Variants in POC1A observed in about 807,000 individuals in gnomAD.
POC1A encodes POC1 centriolar protein homolog A.
A neutral mutation model predicts 47.8 loss-of-function variants in POC1A; 34 were observed. That is an observed-to-expected ratio of 0.71 (90% CI 0.54 to 0.95). POC1A has a LOEUF of 0.95. POC1A is among the 40% of genes least tolerant of loss of function. The pLI, the probability that POC1A is intolerant of heterozygous loss-of-function variation, is 0.00. For missense variants in POC1A, 466 were observed against 528.3 expected (o/e 0.88, Z 1.16); for synonymous variants, 177 against 207.6 (o/e 0.85, Z 1.27).
intron 9 of POC1A, among the ~76,000 whole-genome samples, chr3:52,111,060 G>T (rs901816850): frequency 2.0e-5 from 3 of 152,198 alleles, no homozygotes; most frequent in Non-Finnish European, 4.4e-5. Flanking sequence ...CTGTCTTCCT[G>T]ATACTGTGAT....
chr3:52,138,325 G>A, intron 6 of POC1A, 23 bp from the exon 7 acceptor site: 1 of 1,600,336 alleles, frequency 6.2e-7, no homozygotes, highest in Non-Finnish European at 8.5e-7. Flanking sequence ...CATCAGTCAG[G>A]TGCTGGCTAG....
At chr3:52,097,834 C>T (rs1030138375) in intron 9 of POC1A, among the ~76,000 whole-genome samples, 1 of 152,204 alleles carries the variant, frequency 6.6e-6, no homozygotes, top group African/African-American at 2.4e-5. Context: ...ACTTCCGTGG[C>T]CATTTCTAAG....
At chr3:52,114,256 C>T (rs530008412) in intron 9 of POC1A, among the ~76,000 whole-genome samples, 5 of 152,230 alleles carry the variant, frequency 3.3e-5, no homozygotes, top group Non-Finnish European at 7.3e-5. Context: ...TTTTCTCATA[C>T]CAGGAAGGTG....
chr3:52,146,979 G>C lies in POC1A; in HGVS notation c.563+9C>G, dbSNP rs754587323. On this transcript the variant is annotated intron_variant, in intron 5 of 10. Transcript: ENST00000296484. ...GCCTACAGGTGGAGGACAGCATCTG[G>C]GGACTCACCCGCCATGCTCACAATA... 1 of 1,608,806 alleles carries C rather than the reference G, an allele frequency of 6.2e-7. No homozygotes were observed.
At chr3:52,081,938 T>C (rs981775664) in intron 10 of POC1A, among the ~76,000 whole-genome samples, 1 of 151,596 alleles carries the variant, frequency 6.6e-6, no homozygotes, top group Non-Finnish European at 1.5e-5. Context: ...ACGAGTTAGA[T>C]GGGGGTCTGA....
intron 9 of POC1A, among the ~76,000 whole-genome samples, chr3:52,103,881 A>G (rs1218486321): frequency 6.6e-6 from 1 of 152,236 alleles, no homozygotes; most frequent in African/African-American, 2.4e-5. Flanking sequence ...TTGAACTCTC[A>G]TATACTGCTG....
chr3:52,082,173 G>A (rs1702317049), intron 10 of POC1A, among the ~76,000 whole-genome samples: 1 of 152,128 alleles, frequency 6.6e-6, no homozygotes, highest in African/African-American at 2.4e-5. Flanking sequence ...CAGTGGGTGA[G>A]GAGGGAAGGA....
At chr3:52,114,628 A>C (rs930921645) in intron 9 of POC1A, among the ~76,000 whole-genome samples, 3 of 152,170 alleles carry the variant, frequency 2.0e-5, no homozygotes, top group African/African-American at 7.2e-5. Flanking sequence ...CCCAGAGACA[A>C]GGACTTGGCT....
In POC1A at chr3:52,096,680, T is replaced by C. The variant is rs780987009; in HGVS notation, c.1014A>G (p.Arg338=). ...PEVDFPVPPG[R]GRSVESVQSQ... is the part of the protein sequence containing the mutation. Reference sequence around the variant, plus strand: ...TCTGCACAGACTCCACACTCCTGCCTCTGCCTGGGGGGACAGGGAAGTCCA... The same window carrying C: ...TCTGCACAGACTCCACACTCCTGCCCCTGCCTGGGGGGACAGGGAAGTCCA... The change falls in exon 10 of 11, where the codon AGA becomes AGG. Residue 338 remains arginine, a synonymous_variant. Coordinates refer to ENST00000296484, the MANE Select transcript of POC1A (RefSeq NM_015426.5). 4.4e-6 allele frequency: 7 copies of C among 1,606,282 alleles called. No individual in the cohort carries two copies. The Admixed American group carries it at 6.8e-5, about 16-fold the overall frequency.
chr3:52,105,313 A>G (rs749917507), intron 9 of POC1A, among the ~76,000 whole-genome samples: 103 of 152,366 alleles, frequency 6.8e-4, no homozygotes, highest in Non-Finnish European at 1.0e-3. Flanking sequence ...TTTCAACTGA[A>G]TCTTCGATTG....
At chr3:52,138,429 T>C in intron 6 of POC1A, 127 bp from the exon 7 acceptor site, 1 of 934,080 alleles carries the variant, frequency 1.1e-6, no homozygotes, top group Non-Finnish European at 1.6e-6. Flanking sequence ...GGATGGTCAT[T>C]GCTCAGAAGA....
intron 10 of POC1A, among the ~76,000 whole-genome samples, chr3:52,083,331 C>A (rs1702361094): frequency 6.6e-6 from 1 of 152,114 alleles, no homozygotes; most frequent in Non-Finnish European, 1.5e-5. Context: ...CGTGGCGAAA[C>A]AGAGCAAACA....
At chr3:52,130,419 C>A (rs1704169058) in intron 7 of POC1A, among the ~76,000 whole-genome samples, 1 of 152,190 alleles carries the variant, frequency 6.6e-6, no homozygotes, top group Admixed American at 6.5e-5. Context: ...GTGAACTGGG[C>A]TCTCATGGCT....
intron 8 of POC1A, 83 bp from the exon 9 acceptor site, chr3:52,122,560 A>G: frequency 1.1e-6 from 1 of 877,616 alleles, no homozygotes. Flanking sequence ...CTCAGAGGCC[A>G]TGCCCAAAGT....
At chr3:52,124,935 C>T (rs565937824) in intron 8 of POC1A, among the ~76,000 whole-genome samples, 178 bp downstream of exon 8, 1 of 152,172 alleles carries the variant, frequency 6.6e-6, no homozygotes, top group South Asian at 2.1e-4. Flanking sequence ...TCTGGAGTGG[C>T]AAGGCCCCTG....
intron 10 of POC1A, among the ~76,000 whole-genome samples, chr3:52,092,502 T>C (rs1702677249): frequency 6.6e-6 from 1 of 152,126 alleles, no homozygotes; most frequent in South Asian, 2.1e-4. Flanking sequence ...ACACATTATC[T>C]GCACCTGGCA....
intron 9 of POC1A, among the ~76,000 whole-genome samples, chr3:52,116,744 T>C (rs940222951): frequency 7.9e-5 from 12 of 152,144 alleles, no homozygotes; most frequent in Non-Finnish European, 8.8e-5. Context: ...AAAAGAACCC[T>C]TTTTAAAGTA....
chr3:52,134,247 A>T (rs983356260), intron 7 of POC1A, among the ~76,000 whole-genome samples: 27 of 152,206 alleles, frequency 1.8e-4, no homozygotes, highest in African/African-American at 6.5e-4. Flanking sequence ...GAGAATATAA[A>T]TGTATTTATT....
chr3:52,151,005 C>T lies in POC1A; in HGVS notation c.103+11G>A, dbSNP rs1448450840. The T allele has an allele frequency of 6.2e-7, 1 of 1,613,442 alleles. No individual in the cohort carries two copies. Among genetic ancestry groups the T allele is most frequent in the South Asian group, 1.1e-5 (1 of 91,062 alleles). ...CATAACCTAGCACCTAGACAGGGTG[C>T]CTCTTCTTACCCAGCTGCTTTGTGT... On this transcript the variant is annotated intron_variant, in intron 2 of 10. Coordinates refer to ENST00000296484, the MANE Select transcript of POC1A (RefSeq NM_015426.5).
Sources: gnomAD v4.1 joint callset for allele counts (sites outside exome capture counted in the v4.1 genomes callset) on GRCh38, gnomAD v4.1.1 for gene constraint, MANE v1.5 for transcripts, NCBI Gene and HGNC (gene_info 2026-07-23, HGNC 2026-07-21) for gene names.